NKAIN3: variants seen among roughly 807,000 people sequenced by gnomAD.
NKAIN3 encodes the protein sodium/potassium transporting ATPase interacting 3, also known as sodium/potassium-transporting ATPase subunit beta-1-interacting protein 3.
NKAIN3 carries 25 observed loss-of-function variants against 30.2 expected under a neutral mutation model. The observed-to-expected ratio is 0.83, with a 90% CI of 0.60 to 1.16. NKAIN3 has a LOEUF of 1.16. Ranked by LOEUF, NKAIN3 falls within the 50% of genes most tolerant of loss-of-function variation. The pLI, the probability that NKAIN3 is intolerant of heterozygous loss-of-function variation, is 0.00. For missense variants in NKAIN3, 225 were observed against 254.1 expected (o/e 0.89, Z 0.78); for synonymous variants, 91 against 89.6 (o/e 1.02, Z -0.09).
At chr8:62,652,860 C>T (rs1812664228) in intron 3 of NKAIN3, among the ~76,000 whole-genome samples, 1 of 152,148 alleles carries the variant, frequency 6.6e-6, no homozygotes, top group Non-Finnish European at 1.5e-5. Context: ...CTCATGGTCC[C>T]TCCACCAGTG....
chr8:62,507,000 G>C (rs2129714530), intron 1 of NKAIN3, among the ~76,000 whole-genome samples: 1 of 152,196 alleles, frequency 6.6e-6, no homozygotes, highest in South Asian at 2.1e-4. Context: ...TACCAACCCT[G>C]GGAAGCTCTT....
At chr8:62,918,355 G>T (rs973288261) in intron 4 of NKAIN3, 98 bp from the exon 5 acceptor site, 8 of 845,670 alleles carry the variant, frequency 9.5e-6, no homozygotes, top group Admixed American at 7.2e-5. Flanking sequence ...ACTCTTAAAA[G>T]TTGCTCATAA....
At chr8:62,742,339 G>A (rs1264337165) in intron 3 of NKAIN3, among the ~76,000 whole-genome samples, 2 of 152,132 alleles carry the variant, frequency 1.3e-5, no homozygotes, top group South Asian at 2.1e-4. Flanking sequence ...GATGACAAAG[G>A]TCTAAAGTAA....
intron 5 of NKAIN3, among the ~76,000 whole-genome samples, chr8:62,932,908 A>G (rs1210396535): frequency 6.6e-6 from 1 of 151,892 alleles, no homozygotes; most frequent in Admixed American, 6.6e-5. Flanking sequence ...TCCAACATTT[A>G]TAGGCATCCA....
At chr8:62,522,101 A>C (rs571830280) in intron 1 of NKAIN3, among the ~76,000 whole-genome samples, 5 of 152,226 alleles carry the variant, frequency 3.3e-5, no homozygotes, top group African/African-American at 1.2e-4. Context: ...ATTTTCTCTG[A>C]GGTTAGATCT....
chr8:62,660,904 T>A (rs2130359242), intron 3 of NKAIN3, among the ~76,000 whole-genome samples: 1 of 152,322 alleles, frequency 6.6e-6, no homozygotes, highest in Admixed American at 6.5e-5. Flanking sequence ...GACCATCCCT[T>A]GGGTCCCTTC....
intron 1 of NKAIN3, among the ~76,000 whole-genome samples, chr8:62,321,164 G>T (rs1362527742): frequency 6.6e-6 from 1 of 152,038 alleles, no homozygotes; most frequent in Non-Finnish European, 1.5e-5. Context: ...TACTTCTCAT[G>T]CCATGGTTTC....
At chr8:62,749,699 T>TTG (rs1816210865) in intron 4 of NKAIN3, among the ~76,000 whole-genome samples, 1 of 136,040 alleles carries the variant, frequency 7.4e-6, no homozygotes, top group South Asian at 2.3e-4. Context: ...TTTTTTTTTT[T>TTG]AAGACGGAGT....
chr8:62,358,401 G>T (rs954347436), intron 1 of NKAIN3, among the ~76,000 whole-genome samples: 30 of 152,164 alleles, frequency 2.0e-4, no homozygotes, highest in Middle Eastern at 3.4e-3. Flanking sequence ...GCATTTTAAT[G>T]GTGGTTGATA....
intron 3 of NKAIN3, among the ~76,000 whole-genome samples, chr8:62,633,039 G>C (rs1347028836): frequency 6.6e-6 from 1 of 152,156 alleles, no homozygotes; most frequent in African/African-American, 2.4e-5. Flanking sequence ...TGGGTGTGTA[G>C]AGGCCGTGAA....
At chr8:62,501,419 G>T (rs1007064765) in intron 1 of NKAIN3, among the ~76,000 whole-genome samples, 3 of 152,062 alleles carry the variant, frequency 2.0e-5, no homozygotes, top group African/African-American at 7.2e-5. Flanking sequence ...TTCAGGGCTG[G>T]TATTCTTCTG....
intron 4 of NKAIN3, among the ~76,000 whole-genome samples, chr8:62,833,653 C>A (rs76021259): frequency 6.6e-6 from 1 of 151,712 alleles, no homozygotes; most frequent in East Asian, 1.9e-4. Flanking sequence ...CTGAACAGAC[C>A]AATATCCAAT....
intron 5 of NKAIN3, among the ~76,000 whole-genome samples, chr8:62,994,807 G>T (rs1468410787): frequency 6.6e-6 from 1 of 152,158 alleles, no homozygotes; most frequent in Non-Finnish European, 1.5e-5. Flanking sequence ...TTACAAGGAA[G>T]GTGGCATTTT....
At chr8:62,990,178 T>C (rs767162740) in intron 5 of NKAIN3, 1 of 1,363,168 alleles carries the variant, frequency 7.3e-7, no homozygotes, top group South Asian at 1.3e-5. Flanking sequence ...ATTCATGTGA[T>C]CTGCAAGTAT....
rs1817008239 is a variant in NKAIN3 at position 62,771,463 on chromosome 8, T to C, written c.471+24334T>C. 2.0e-5 allele frequency among the ~76,000 whole-genome samples: 3 copies of C among 151,866 alleles called. No homozygotes were observed. The South Asian group carries it at 6.2e-4, about 32-fold the overall frequency. Reference sequence around the variant, plus strand: ...AAGCATTAAACTTGAGAAACAGAAATTATTCAATTTGATGAAAAAATAATA... The same window carrying C: ...AAGCATTAAACTTGAGAAACAGAAACTATTCAATTTGATGAAAAAATAATA... On this transcript the variant is annotated intron_variant, in intron 4 of 6. Coordinates refer to ENST00000623646, the MANE Select transcript of NKAIN3 (RefSeq NM_001304533.3).
At chr8:62,777,635 G>T (rs1275996574) in intron 4 of NKAIN3, among the ~76,000 whole-genome samples, 2 of 152,074 alleles carry the variant, frequency 1.3e-5, no homozygotes, top group Non-Finnish European at 2.9e-5. Flanking sequence ...CCACCAAAAA[G>T]CTACTTTGAA....
intron 1 of NKAIN3, among the ~76,000 whole-genome samples, chr8:62,490,828 G>A (rs1422746258): frequency 6.6e-6 from 1 of 152,168 alleles, no homozygotes; most frequent in African/African-American, 2.4e-5. Flanking sequence ...CTGGTTGCCT[G>A]AAGTTGGACA....
intron 4 of NKAIN3, among the ~76,000 whole-genome samples, chr8:62,824,434 C>T (rs548684703): frequency 6.6e-6 from 1 of 151,586 alleles, no homozygotes; most frequent in Non-Finnish European, 1.5e-5. Flanking sequence ...GTCTTGGCAA[C>T]ATAAATTTGA....
chr8:62,258,623 G>A (rs1812332691), intron 1 of NKAIN3, among the ~76,000 whole-genome samples: 1 of 152,098 alleles, frequency 6.6e-6, no homozygotes, highest in Non-Finnish European at 1.5e-5. Flanking sequence ...TGGTGCCACT[G>A]CACTCTGGCC....
Sources: gnomAD v4.1 joint callset for allele counts (sites outside exome capture counted in the v4.1 genomes callset) on GRCh38, gnomAD v4.1.1 for gene constraint, MANE v1.5 for transcripts, NCBI Gene and HGNC (gene_info 2026-07-23, HGNC 2026-07-21) for gene names.